Variants in RNF14 observed in about 807,000 individuals in gnomAD.
The protein encoded by RNF14 is E3 ubiquitin-protein ligase RNF14.
In RNF14, 26 loss-of-function variants were observed where a neutral mutation model predicts 52.6. That is an observed-to-expected ratio of 0.49 (90% confidence interval 0.36 to 0.69). The LOEUF is 0.69. Ranked by LOEUF, RNF14 falls within the 30% of genes least tolerant of loss-of-function variation. The probability of loss-of-function intolerance (pLI) is 0.00; values close to 1 mark genes in which losing one functional copy is unlikely to be tolerated. For synonymous variants in RNF14, 194 were observed against 202.0 expected (o/e 0.96, Z 0.34); for missense variants, 404 against 560.4 (o/e 0.72, Z 2.82).
rs537183208 is a variant in RNF14, at chr5:141,987,900, G to A, written c.*110G>A. The A allele has an allele frequency of 1.4e-5, 14 of 975,862 alleles. No individual in the cohort carries two copies. The highest frequency in any genetic ancestry group is 2.3e-5 in the Non-Finnish European group (14 of 614,698). 60.5% of individuals were successfully genotyped at this position (975,862 alleles called of 1,614,324 possible). A position where few individuals can be genotyped will look rare whatever the true frequency, so the allele number is the denominator to read the frequency against. On this transcript the variant is annotated 3_prime_UTR_variant, in exon 9 of 9. Transcript: ENST00000394520. ...GGTACTATTCATTCACTCTTCCTGC[G>A]TAGAAGATATGGAAGAACGAGGTTT... is the stretch of plus-strand genomic sequence containing the variant.
At chr5:141,976,869 A>G (rs1032525740) in intron 4 of RNF14, among the ~76,000 whole-genome samples, 8 of 145,410 alleles carry the variant, frequency 5.5e-5, no homozygotes, top group Non-Finnish European at 4.5e-5. Context: ...GCTCACTACA[A>G]CCTCTGCCTA....
chr5:141,954,911 C>G, upstream of RNF14: 1 of 1,545,524 alleles, frequency 6.5e-7, no homozygotes, highest in Non-Finnish European at 8.7e-7. Flanking sequence ...ATGGGGGTGT[C>G]TGATTCTGTT....
At chr5:141,957,410 C>T (rs766507231), upstream of RNF14, 24 of 1,613,000 alleles carry the variant, frequency 1.5e-5, no homozygotes, top group South Asian at 1.7e-4. The surrounding 1 kb of genome is among the most constrained non-coding windows in gnomAD (Gnocchi z 4.3). Flanking sequence ...CGCAGAGAGG[C>T]GCTCTCAGAG....
intron 8 of RNF14, among the ~76,000 whole-genome samples, chr5:141,985,770 GTCTCGA>G (rs1755183601): frequency 6.6e-6 from 1 of 152,096 alleles, no homozygotes; most frequent in African/African-American, 2.4e-5. Flanking sequence ...AGCCAGGATG[GTCTCGA>G]TCTCCTGACC....
chr5:141,981,175 G>A lies in RNF14; in HGVS notation c.1063+824G>A, dbSNP rs529587036. Among the ~76,000 whole-genome samples the A allele has an allele frequency of 6.6e-5, 10 of 152,252 alleles. No homozygotes were observed. In the Middle Eastern group the frequency reaches 0.01, roughly 156 times the overall value. On this transcript the variant is annotated intron_variant, in intron 6 of 8. Transcript: ENST00000394520. ...GGGTTATTCTAAGGATGAAGGGAAC[G>A]AATATCATGCTATTCAAAATTGTTA...
At chr5:141,983,786 C>T (rs1193624708) in intron 7 of RNF14, among the ~76,000 whole-genome samples, 3 of 151,904 alleles carry the variant, frequency 2.0e-5, no homozygotes, top group Non-Finnish European at 4.4e-5. Flanking sequence ...ACATTGTATC[C>T]ACCTCAAAAT....
At chr5:141,961,614 C>T (rs1405546124) in intron 1 of RNF14, among the ~76,000 whole-genome samples, 1 of 152,108 alleles carries the variant, frequency 6.6e-6, no homozygotes, top group Non-Finnish European at 1.5e-5. Context: ...GACAGCCTCC[C>T]TTAAGTCCAA....
At chr5:141,976,083 T>G (rs1391507963) in intron 4 of RNF14, among the ~76,000 whole-genome samples, 1 of 152,198 alleles carries the variant, frequency 6.6e-6, no homozygotes, top group Non-Finnish European at 1.5e-5. Context: ...GCTTATGGTT[T>G]AAAAGCAAAA....
intron 3 of RNF14, 72 bp from the exon 4 acceptor site, chr5:141,974,732 A>G: frequency 7.0e-7 from 1 of 1,423,590 alleles, no homozygotes; most frequent in Non-Finnish European, 9.8e-7. Flanking sequence ...GTCTTTCTTG[A>G]GCGCTGCTCA....
In RNF14 at chr5:141,959,839, C is replaced by T. The variant is rs1343185783; in HGVS notation, c.-181+1414C>T. On this transcript the variant is annotated intron_variant, in intron 1 of 4. Transcript: ENST00000506822. ...GCCACTCACAAGCTCTGAGACACTG[C>T]ACAAGGGACTTAACCTCTCCTAGCC... Among the ~76,000 whole-genome samples the T allele has an allele frequency of 3.3e-5, 5 of 152,174 alleles. No individual in the cohort carries two copies. The East Asian group carries it at 7.7e-4, about 23-fold the overall frequency.
At chr5:141,975,431 A>G (rs1754158768) in intron 4 of RNF14, among the ~76,000 whole-genome samples, 1 of 152,230 alleles carries the variant, frequency 6.6e-6, no homozygotes, top group Admixed American at 6.5e-5. Context: ...AAAAATCTGT[A>G]TTAATAACAA....
rs1754623404 is a variant in RNF14 at position 141,980,007 on chromosome 5, AAGAG to A, written c.835-113_835-110del. ...TGTACTTGGTTTGATTTTGAAGTGA[AAGAG>A]AGGTTTTAATTTATGTGCCCATCTG... On this transcript the variant is annotated intron_variant, in intron 5 of 8. Coordinates refer to ENST00000394520, the MANE Select transcript of RNF14 (RefSeq NM_004290.5). 8 of 777,718 alleles carry A rather than the reference AAGAG, an allele frequency of 1.0e-5. No homozygotes were observed. The South Asian group carries it at 1.1e-4, about 11-fold the overall frequency. 48.2% of individuals were successfully genotyped at this position (777,718 alleles called of 1,614,324 possible). A position where few individuals can be genotyped will look rare whatever the true frequency, so the allele number is the denominator to read the frequency against.
At chr5:141,976,937 C>T (rs187454775) in intron 4 of RNF14, among the ~76,000 whole-genome samples, 5 of 152,134 alleles carry the variant, frequency 3.3e-5, no homozygotes, top group African/African-American at 9.6e-5. Context: ...TACAGGCGCC[C>T]GCCACCACAC....
upstream of RNF14, among the ~76,000 whole-genome samples, chr5:141,962,555 TAGAC>T (rs1438193218): frequency 2.6e-5 from 4 of 152,036 alleles, no homozygotes; most frequent in South Asian, 2.1e-4. Context: ...TAAAAATAAA[TAGAC>T]GGGAGGAGGG....
chr5:141,972,986 T>C (rs1035138325), intron 2 of RNF14, among the ~76,000 whole-genome samples: 1 of 152,248 alleles, frequency 6.6e-6, no homozygotes, highest in Non-Finnish European at 1.5e-5. Context: ...AATTTGTGAT[T>C]TGTCCTTTTC....
chr5:141,956,426 A>T, upstream of RNF14: 1 of 1,614,110 alleles, frequency 6.2e-7, no homozygotes, highest in Non-Finnish European at 8.5e-7. Flanking sequence ...AGGTGAAGAG[A>T]GGGTAAGTTG....
chr5:141,983,075 T>C (rs1415297257), intron 6 of RNF14, among the ~76,000 whole-genome samples: 1 of 152,220 alleles, frequency 6.6e-6, no homozygotes, highest in Non-Finnish European at 1.5e-5. Context: ...GGTTATAACA[T>C]AAATATACTT....
intron 7 of RNF14, among the ~76,000 whole-genome samples, chr5:141,983,926 C>A (rs1755005505): frequency 6.6e-6 from 1 of 152,024 alleles, no homozygotes; most frequent in East Asian, 1.9e-4. Context: ...TTAAGATACA[C>A]TCAGGAATTA....
intron 2 of RNF14, among the ~76,000 whole-genome samples, chr5:141,971,773 G>A (rs755454692): frequency 7.2e-4 from 109 of 150,874 alleles, no homozygotes; most frequent in Non-Finnish European, 1.1e-3. Flanking sequence ...CTCAGCCACC[G>A]AGTAGCTGGG....
Sources: gnomAD v4.1 joint callset for allele counts (sites outside exome capture counted in the v4.1 genomes callset) on GRCh38, gnomAD v4.1.1 for gene constraint, Gnocchi (gnomAD v3.1) non-coding constraint, MANE v1.5 for transcripts, NCBI Gene and HGNC (gene_info 2026-07-23, HGNC 2026-07-21) for gene names.